The following CEP192 variants were observed in gnomAD, a reference collection of about 807,000 sequenced individuals.
The protein encoded by CEP192 is centrosomal protein 192.
Under a neutral mutation model 271.8 loss-of-function variants are expected in CEP192, and 151 were observed. That is an observed-to-expected ratio of 0.56 (90% CI 0.49 to 0.64). CEP192 has a LOEUF of 0.64. CEP192 is among the 30% of genes least tolerant of loss of function. The pLI is 0.00. For synonymous variants in CEP192, 995 were observed against 1,076.5 expected (o/e 0.92, Z 1.48); for missense variants, 2,910 against 3,020.5 (o/e 0.96, Z 0.86).
At chr18:13,083,624 A>G (rs908076591) in intron 30 of CEP192, among the ~76,000 whole-genome samples, 8 of 152,216 alleles carry the variant, frequency 5.3e-5, no homozygotes, top group Admixed American at 1.3e-4. Context: ...CTGTCAGCTC[A>G]TCAAAGTCAT....
At chr18:13,114,333 AC>A (rs1018211611) in intron 42 of CEP192, 82 bp downstream of exon 42, 15 of 1,442,740 alleles carry the variant, frequency 1.0e-5, no homozygotes, top group Non-Finnish European at 1.4e-5. Context: ...CGATGACTTT[AC>A]CTGAGTTCAC....
chr18:13,123,646 C>T (rs547084), intron 44 of CEP192, among the ~76,000 whole-genome samples: 1 of 151,966 alleles, frequency 6.6e-6, no homozygotes, highest in African/African-American at 2.4e-5. Context: ...TAAGCCTAGA[C>T]GTTGATGACA....
At position 13,105,100 on chromosome 18, in the gene CEP192, C is replaced by T. The variant is rs753693552; in HGVS notation, c.7047+21C>T. 1.2e-5 allele frequency: 19 copies of T among 1,525,348 alleles called. No homozygotes were observed. The South Asian group carries it at 2.1e-4, about 17-fold the overall frequency. 94.5% of individuals were successfully genotyped at this position (1,525,348 alleles called of 1,614,324 possible). On this transcript the variant is annotated intron_variant, in intron 40 of 44. Coordinates refer to ENST00000506447, the MANE Select transcript of CEP192 (RefSeq NM_032142.4). ...AAAAAGTAGGTTTTGATATTTTTTT[C>T]CATAGGAACATCATGTAAATTGTCC...
chr18:13,049,564 G>A lies in CEP192; in HGVS notation c.2773G>A (p.Glu925Lys), dbSNP rs775895563. 5 of 1,613,974 alleles carry A rather than the reference G, an allele frequency of 3.1e-6. No individual in the cohort carries two copies. Among genetic ancestry groups the A allele is most frequent in the Admixed American group, 1.7e-5 (1 of 59,986 alleles). Residue 925 changes from glutamate (E) to lysine (K), a missense_variant, in exon 16 of 45, where the codon GAA becomes AAA. By Grantham distance (56) the Glu-to-Lys change is moderately conservative. Transcript: ENST00000506447. ...ATCCCTTTGTCTGTTAAAAGACTGT[G>A]AAGAAATACGAGATAACAGAGAAAA... ...ITSLCLLKDC[E>K]EIRDNRENQR...
chr18:13,024,119 A>G (rs1030850392), intron 9 of CEP192, among the ~76,000 whole-genome samples: 3 of 151,828 alleles, frequency 2.0e-5, no homozygotes, highest in African/African-American at 4.8e-5. Context: ...TGGTTCATCT[A>G]TTTCTCTTTG....
At chr18:13,107,514 C>A (rs913487328) in intron 40 of CEP192, among the ~76,000 whole-genome samples, 8 of 152,168 alleles carry the variant, frequency 5.3e-5, no homozygotes, top group African/African-American at 1.9e-4. Context: ...GCTTGGTTTT[C>A]ATTAGCTCCA....
intron 10 of CEP192, 55 bp downstream of exon 10, chr18:13,030,057 A>T: frequency 7.8e-7 from 1 of 1,274,020 alleles, no homozygotes; most frequent in Non-Finnish European, 1.1e-6. Context: ...ATACATTTTG[A>T]ATAGGACATA....
rs533690823 is a variant in CEP192, at chr18:13,124,847, C to T, written c.*77C>T. 1.2e-5 allele frequency: 14 copies of T among 1,155,256 alleles called. No homozygotes were observed. In the East Asian group the frequency reaches 3.1e-4, roughly 26 times the overall value. 71.6% of individuals were successfully genotyped at this position (1,155,256 alleles called of 1,614,324 possible). A position where few individuals can be genotyped will look rare whatever the true frequency, so the allele number is the denominator to read the frequency against. On this transcript the variant is annotated 3_prime_UTR_variant, in exon 45 of 45. Transcript: ENST00000506447. ...TTTATCTTTCTACACTACAATTATG[C>T]TTTTGTATATATATTTTGTATGATG...
At position 13,056,418 on chromosome 18, in the gene CEP192, C is replaced by T; in HGVS notation, c.3828C>T (p.Thr1276=). 2 of 1,614,272 alleles carry T rather than the reference C, an allele frequency of 1.2e-6. No individual in the cohort carries two copies. The highest frequency in any genetic ancestry group is 1.7e-6 in the Non-Finnish European group (2 of 1,180,050). The change falls in exon 19 of 45, where the codon ACC becomes ACT. Residue 1276 remains threonine (T), a synonymous_variant. Transcript: ENST00000506447. ...LGTLPSTGST[T]LPQCHAGNAT... is the part of the protein sequence containing the mutation. ...CACTCCCTTCAACTGGAAGCACCACCTTGCCTCAGTGCCATGCTGGCAATG... is the reference window on the plus strand; with the variant it reads ...CACTCCCTTCAACTGGAAGCACCACTTTGCCTCAGTGCCATGCTGGCAATG...
intron 10 of CEP192, 123 bp from the exon 11 acceptor site, chr18:13,030,341 CT>C: frequency 2.5e-6 from 2 of 814,860 alleles, no homozygotes; most frequent in Non-Finnish European, 3.7e-6. Context: ...TTCTAACTAG[CT>C]TTGGCAAACT....
chr18:13,006,152 T>A (rs2033965963), intron 3 of CEP192, among the ~76,000 whole-genome samples: 1 of 152,174 alleles, frequency 6.6e-6, no homozygotes, highest in South Asian at 2.1e-4. Flanking sequence ...ATATCTACTT[T>A]TTTTTTCCTT....
intron 30 of CEP192, among the ~76,000 whole-genome samples, chr18:13,086,478 C>T (rs1159220304): frequency 6.6e-6 from 1 of 152,120 alleles, no homozygotes; most frequent in Non-Finnish European, 1.5e-5. Context: ...AAGGCGACGC[C>T]CCACCCTGCT....
chr18:13,081,326 T>G (rs1302668377), intron 30 of CEP192, among the ~76,000 whole-genome samples: 1 of 152,204 alleles, frequency 6.6e-6, no homozygotes, highest in Non-Finnish European at 1.5e-5. Context: ...CTGTTATTGG[T>G]CTATTTAGAG....
intron 5 of CEP192, among the ~76,000 whole-genome samples, chr18:13,015,032 A>G (rs2034564640): frequency 6.6e-6 from 1 of 152,150 alleles, no homozygotes; most frequent in South Asian, 2.1e-4. Context: ...GCTCAAGTTC[A>G]GTTATGTATT....
Position 13,100,454 on chromosome 18 carries a change from A to G in CEP192, c.6813A>G (p.Lys2271=). 1.9e-6 allele frequency: 3 copies of G among 1,614,152 alleles called. No homozygotes were observed. Among genetic ancestry groups the G allele is most frequent in the Non-Finnish European group, 2.5e-6 (3 of 1,180,000 alleles). Reference sequence around the variant, plus strand: ...CAATGACAAAACCGCCTTCCACAAAAGTTGAAATAAGAAACAAGAGTATTA... The same window carrying G: ...CAATGACAAAACCGCCTTCCACAAAGGTTGAAATAAGAAACAAGAGTATTA... ...VKPMTKPPST[K]VEIRNKSITF... is the part of the protein sequence containing the mutation. Residue 2271 remains lysine (K), a synonymous_variant, in exon 38 of 45, where the codon AAA becomes AAG. Coordinates refer to ENST00000506447, the MANE Select transcript of CEP192 (RefSeq NM_032142.4).
At chr18:13,046,671 G>A (rs773243571) in intron 15 of CEP192, among the ~76,000 whole-genome samples, 1 of 151,800 alleles carries the variant, frequency 6.6e-6, no homozygotes, top group Admixed American at 6.6e-5. Flanking sequence ...GCATTCCAAG[G>A]ATCACAAAAT....
chr18:12,994,394 A>G (rs1261205489), intron 1 of CEP192, among the ~76,000 whole-genome samples: 1 of 152,094 alleles, frequency 6.6e-6, no homozygotes, highest in Non-Finnish European at 1.5e-5. Context: ...GGGTATTACA[A>G]GAATAGAAAA....
chr18:13,096,886 G>C (rs901769565), intron 36 of CEP192, among the ~76,000 whole-genome samples: 1 of 152,196 alleles, frequency 6.6e-6, no homozygotes, highest in African/African-American at 2.4e-5. Context: ...TCCACAGCCT[G>C]GTTGTTGATA....
chr18:13,012,788 T>C (rs1043608232), intron 4 of CEP192, among the ~76,000 whole-genome samples, 185 bp from the exon 5 acceptor site: 3 of 152,240 alleles, frequency 2.0e-5, no homozygotes, highest in African/African-American at 7.2e-5. Flanking sequence ...ACAATTTTTT[T>C]TATGAATTCC....
Sources: gnomAD v4.1 joint callset for allele counts (sites outside exome capture counted in the v4.1 genomes callset) on GRCh38, gnomAD v4.1.1 for gene constraint, MANE v1.5 for transcripts, NCBI Gene and HGNC (gene_info 2026-07-23, HGNC 2026-07-21) for gene names.